TMEM132B: variants seen among roughly 807,000 people sequenced by gnomAD.
TMEM132B encodes the protein transmembrane protein 132B.
TMEM132B carries 18 observed loss-of-function variants against 90.8 expected under a neutral mutation model. The ratio of observed to expected loss-of-function variants is 0.20; its 90% CI spans 0.14 to 0.29. The LOEUF is 0.29. Among genes scored for constraint, TMEM132B ranks in the 10% least tolerant of loss-of-function variants. TMEM132B has a pLI of 1.00. For missense variants in TMEM132B, 1,096 were observed against 1,326.8 expected, an observed-to-expected ratio of 0.83 and a Z score of 2.70; for synonymous variants, 504 against 523.3, an observed-to-expected ratio of 0.96 and a Z score of 0.50.
At chr12:125,602,278 C>T (rs1885590423) in intron 5 of TMEM132B, among the ~76,000 whole-genome samples, 1 of 152,196 alleles carries the variant, frequency 6.6e-6, no homozygotes. Context: ...ATCAAGTCGG[C>T]TTCATCCTTG....
At chr12:125,602,778 C>G (rs1159024271) in intron 5 of TMEM132B, among the ~76,000 whole-genome samples, 1 of 152,164 alleles carries the variant, frequency 6.6e-6, no homozygotes. Context: ...TCTCAGGATA[C>G]AAAATCAATA....
chr12:125,278,233 C>T lies in TMEM132B; in HGVS notation c.68-71219C>T, dbSNP rs117818952. Reference sequence around the variant, plus strand: ...ATATTGTCTACGGTTGCTTTCGCACCGTAACCCCAGGGTTGAGAAGCTTCA... The same window carrying T: ...ATATTGTCTACGGTTGCTTTCGCACTGTAACCCCAGGGTTGAGAAGCTTCA... On this transcript the variant is annotated intron_variant, in intron 1 of 8. Coordinates refer to ENST00000682704, the MANE Select transcript of TMEM132B (RefSeq NM_001366854.1). Among the ~76,000 whole-genome samples the T allele has an allele frequency of 9.7e-3, 1,481 of 152,278 alleles. 26 individuals are homozygous for T. The highest frequency in any genetic ancestry group is 0.074 in the South Asian group (357 of 4,818).
intron 4 of TMEM132B, among the ~76,000 whole-genome samples, chr12:125,570,089 C>T (rs1016483790): frequency 3.3e-5 from 5 of 152,062 alleles, no homozygotes; most frequent in Non-Finnish European, 7.4e-5. Context: ...CATTCGGCTA[C>T]GTTTGAGATC....
chr12:125,243,252 C>T (rs1479633067), intron 1 of TMEM132B, among the ~76,000 whole-genome samples: 1 of 150,872 alleles, frequency 6.6e-6, no homozygotes. Context: ...CAAGGATTCT[C>T]CTGCCTCAGC....
At chr12:125,627,953 G>C (rs1253897884) in intron 5 of TMEM132B, among the ~76,000 whole-genome samples, 1 of 152,144 alleles carries the variant, frequency 6.6e-6, no homozygotes, top group South Asian at 2.1e-4. Context: ...TTAAGATAAA[G>C]ATCTCCAGTT....
chr12:125,237,755 G>T (rs994367951), intron 1 of TMEM132B, among the ~76,000 whole-genome samples: 6 of 152,176 alleles, frequency 3.9e-5, no homozygotes, highest in Non-Finnish European at 8.8e-5. Flanking sequence ...GGCCACGTTG[G>T]CGTACTTAAA....
intron 2 of TMEM132B, among the ~76,000 whole-genome samples, chr12:125,353,850 T>C (rs999569445): frequency 3.3e-5 from 5 of 152,212 alleles, no homozygotes; most frequent in Non-Finnish European, 4.4e-5. Context: ...ACATCCAGAC[T>C]GTAGAAAGCC....
At chr12:125,304,763 C>T (rs1565997515) in intron 1 of TMEM132B, among the ~76,000 whole-genome samples, 1 of 152,076 alleles carries the variant, frequency 6.6e-6, no homozygotes, top group Non-Finnish European at 1.5e-5. Context: ...GCAGGGAGTT[C>T]AAGGCTGTAG....
intron 3 of TMEM132B, among the ~76,000 whole-genome samples, chr12:125,430,480 C>T (rs1479405338): frequency 6.6e-6 from 1 of 152,134 alleles, no homozygotes; most frequent in Non-Finnish European, 1.5e-5. Flanking sequence ...GAGGAGAAGC[C>T]AGCCACTCAG....
At chr12:125,291,765 T>A (rs540097113) in intron 1 of TMEM132B, among the ~76,000 whole-genome samples, 2 of 152,126 alleles carry the variant, frequency 1.3e-5, no homozygotes, top group African/African-American at 4.8e-5. Flanking sequence ...TTGCTTTTTT[T>A]AAAAAAAAAT....
chr12:125,399,939 A>T (rs1047487174), intron 2 of TMEM132B, among the ~76,000 whole-genome samples: 1 of 152,168 alleles, frequency 6.6e-6, no homozygotes, highest in Admixed American at 6.5e-5. Flanking sequence ...GGCTGGATGG[A>T]GCTTCCTGCA....
In TMEM132B at chr12:125,654,697, A is replaced by C; in HGVS notation, c.3239A>C (p.Gln1080Pro). The C allele has an allele frequency of 6.2e-7, 1 of 1,612,514 alleles. No homozygotes were observed. The highest frequency in any genetic ancestry group is 8.5e-7 in the Non-Finnish European group (1 of 1,179,028). The change falls in exon 9 of 9, where the codon CAA becomes CCA. Residue 1080 changes from glutamine (Q) to proline (P), a missense_variant. Transcript: ENST00000682704. The surrounding 1 kb of genome is among the most constrained non-coding windows in gnomAD (Gnocchi z 5.8). ...QDFRDYMESL[Q>P]DQM is the part of the protein sequence containing the mutation. ...TTTAGAGACTATATGGAAAGTCTGC[A>C]AGACCAGATGTAAACTCCTTTCTTA...
intron 1 of TMEM132B, among the ~76,000 whole-genome samples, chr12:125,201,544 T>C (rs1251372315): frequency 6.6e-6 from 1 of 152,264 alleles, no homozygotes; most frequent in Non-Finnish European, 1.5e-5. Context: ...CTCTGCTAGC[T>C]GCTTATGCTT....
chr12:125,525,758 C>G (rs1172878403), intron 4 of TMEM132B, among the ~76,000 whole-genome samples: 1 of 152,158 alleles, frequency 6.6e-6, no homozygotes, highest in Non-Finnish European at 1.5e-5. Context: ...TCCCAGCTTT[C>G]TTGCTAAAAG....
At chr12:125,256,395 T>C (rs1259423844) in intron 1 of TMEM132B, among the ~76,000 whole-genome samples, 1 of 152,232 alleles carries the variant, frequency 6.6e-6, no homozygotes, top group Non-Finnish European at 1.5e-5. Context: ...GGTCTGTTGG[T>C]GCTTGCGTTG....
At chr12:125,631,724 T>C (rs1173243252) in intron 5 of TMEM132B, among the ~76,000 whole-genome samples, 1 of 152,208 alleles carries the variant, frequency 6.6e-6, no homozygotes, top group Admixed American at 6.5e-5. Flanking sequence ...TTAACTCATT[T>C]ATCATTATAT....
chr12:125,376,379 AG>A (rs1878482142), intron 2 of TMEM132B, among the ~76,000 whole-genome samples: 1 of 152,230 alleles, frequency 6.6e-6, no homozygotes, highest in Non-Finnish European at 1.5e-5. Flanking sequence ...GTAATAATAC[AG>A]ATGGTACCCA....
chr12:125,272,066 A>G (rs1000074550), intron 1 of TMEM132B, among the ~76,000 whole-genome samples: 7 of 152,228 alleles, frequency 4.6e-5, no homozygotes, highest in Non-Finnish European at 1.0e-4. Context: ...TCTCCCGTCT[A>G]ACAAGGGCCA....
chr12:125,450,403 C>T (rs545980344), intron 3 of TMEM132B, among the ~76,000 whole-genome samples: 2 of 151,996 alleles, frequency 1.3e-5, no homozygotes, highest in African/African-American at 2.4e-5. Flanking sequence ...AATTTGAGCA[C>T]CAAAATAGGC....
Sources: gnomAD v4.1 joint callset for allele counts (sites outside exome capture counted in the v4.1 genomes callset) on GRCh38, gnomAD v4.1.1 for gene constraint, Gnocchi (gnomAD v3.1) non-coding constraint, MANE v1.5 for transcripts, NCBI Gene and HGNC (gene_info 2026-07-23, HGNC 2026-07-21) for gene names.